Variants in NEO1 observed in about 807,000 individuals in gnomAD.
The protein encoded by NEO1 is neogenin 1.
NEO1 carries 63 observed loss-of-function variants against 159.7 expected under a neutral mutation model. The ratio of observed to expected loss-of-function variants is 0.39; its 90% CI spans 0.32 to 0.49. The LOEUF (loss-of-function observed/expected upper bound fraction) is 0.49. NEO1 is among the 20% of genes least tolerant of loss of function. The pLI, the probability that NEO1 is intolerant of heterozygous loss-of-function variation, is 0.85. For synonymous variants in NEO1, 633 were observed against 662.0 expected (o/e 0.96, Z 0.67); for missense variants, 1,615 against 1,831.0 (o/e 0.88, Z 2.15).
Position 73,052,548 on chromosome 15 carries a change from T to C in NEO1, c.-128T>C, listed in dbSNP as rs902106680. ...CTGCGCGGGCCGGGCCGGGCCGGGC[T>C]GGGCTGGAGCAGCGGCGGCCGCGGG... On this transcript the variant is annotated 5_prime_UTR_variant, in exon 1 of 29. Coordinates refer to ENST00000261908, the MANE Select transcript of NEO1 (RefSeq NM_002499.4). The C allele has an allele frequency of 4.6e-5, 19 of 417,050 alleles. No individual in the cohort carries two copies. The highest frequency in any genetic ancestry group is 1.1e-4 in the Admixed American group (2 of 18,094). 25.8% of individuals were successfully genotyped at this position (417,050 alleles called of 1,614,324 possible).
intron 13 of NEO1, among the ~76,000 whole-genome samples, chr15:73,255,119 TAAA>T (rs1447765469): frequency 6.6e-6 from 1 of 152,190 alleles, no homozygotes; most frequent in East Asian, 1.9e-4. Context: ...TTTGTAATCT[TAAA>T]AATGATTAAA....
At chr15:73,119,838 C>T (rs2071529473) in intron 2 of NEO1, among the ~76,000 whole-genome samples, 1 of 152,098 alleles carries the variant, frequency 6.6e-6, no homozygotes, top group Non-Finnish European at 1.5e-5. Flanking sequence ...TTTTTTGACT[C>T]TTTAAAAATA....
chr15:73,297,968 T>G (rs1242080913), intron 26 of NEO1, among the ~76,000 whole-genome samples: 1 of 152,252 alleles, frequency 6.6e-6, no homozygotes, highest in Non-Finnish European at 1.5e-5. Context: ...TTAGCCATGG[T>G]TGTCTATGAA....
At chr15:73,130,173 C>A (rs769754329) in intron 4 of NEO1, among the ~76,000 whole-genome samples, 5 of 152,052 alleles carry the variant, frequency 3.3e-5, no homozygotes, top group Non-Finnish European at 7.4e-5. Context: ...GGGGTTTCAC[C>A]ATGTTGGCCA....
intron 7 of NEO1, among the ~76,000 whole-genome samples, chr15:73,199,019 G>T (rs1035743429): frequency 6.8e-6 from 1 of 146,656 alleles, no homozygotes; most frequent in Non-Finnish European, 1.5e-5. Flanking sequence ...TTCTTTTTCT[G>T]TTCCAGGATC....
At chr15:73,222,097 T>TAA (rs2038320746) in intron 7 of NEO1, 1 of 117,330 alleles carries the variant, frequency 8.5e-6, no homozygotes, top group African/African-American at 3.1e-5. Flanking sequence ...GGTAATTTTT[T>TAA]TTTTTTTTTT....
At chr15:73,062,499 C>T (rs4776623) in intron 1 of NEO1, among the ~76,000 whole-genome samples, 106,702 of 152,064 alleles carry the variant, frequency 0.7, 38,440 homozygotes, top group African/African-American at 0.87. Context: ...GGGTTAGTTA[C>T]CTGACTCCTG....
At chr15:73,301,487 G>A in intron 28 of NEO1, 30 bp downstream of exon 28, 1 of 1,613,836 alleles carries the variant, frequency 6.2e-7, no homozygotes, top group Non-Finnish European at 8.5e-7. Flanking sequence ...AGTCCAGCCA[G>A]ATTGCCTGGG....
At chr15:73,129,465 A>G (rs956051131) in intron 4 of NEO1, among the ~76,000 whole-genome samples, 1 of 152,240 alleles carries the variant, frequency 6.6e-6, no homozygotes, top group African/African-American at 2.4e-5. Flanking sequence ...CTTCTTTGAA[A>G]GTGAACTTAA....
intron 8 of NEO1, among the ~76,000 whole-genome samples, chr15:73,239,546 C>T (rs374091116): frequency 2.0e-5 from 3 of 152,182 alleles, no homozygotes; most frequent in African/African-American, 7.2e-5. Context: ...TAAGATTATA[C>T]CACTGTCTTT....
intron 7 of NEO1, among the ~76,000 whole-genome samples, chr15:73,184,280 C>G (rs972305224): frequency 3.9e-5 from 6 of 152,112 alleles, no homozygotes; most frequent in Non-Finnish European, 8.8e-5. Context: ...CTCAGCCTCC[C>G]GAGTAGCTGG....
At chr15:73,253,271 A>G in intron 11 of NEO1, 129 bp from the exon 12 acceptor site, 1 of 475,126 alleles carries the variant, frequency 2.1e-6, no homozygotes, top group African/African-American at 1.9e-5. Context: ...ATTGGCAGCT[A>G]GTTTAGATCT....
intron 1 of NEO1, among the ~76,000 whole-genome samples, chr15:73,113,166 T>C (rs2071098573): frequency 7.0e-6 from 1 of 142,780 alleles, no homozygotes; most frequent in African/African-American, 2.5e-5. Context: ...AGAATTACTT[T>C]GGCTCTTACT....
intron 1 of NEO1, among the ~76,000 whole-genome samples, chr15:73,075,441 C>T (rs765711397): frequency 2.0e-5 from 3 of 152,116 alleles, no homozygotes; most frequent in Non-Finnish European, 4.4e-5. Context: ...GATTAAATGC[C>T]AGATGAGTGG....
intron 14 of NEO1, chr15:73,259,139 C>A: frequency 3.5e-6 from 1 of 289,254 alleles, no homozygotes; most frequent in Admixed American, 4.5e-5. Flanking sequence ...TTAATCAAGG[C>A]CATTAAGTAG....
chr15:73,283,584 A>C (rs1046052093), intron 23 of NEO1, among the ~76,000 whole-genome samples: 1 of 152,336 alleles, frequency 6.6e-6, no homozygotes, highest in Admixed American at 6.5e-5. Flanking sequence ...GCCAGTGTCT[A>C]GTATTAGCTA....
At chr15:73,139,697 A>C (rs1368987720) in intron 5 of NEO1, among the ~76,000 whole-genome samples, 1 of 152,236 alleles carries the variant, frequency 6.6e-6, no homozygotes, top group Admixed American at 6.5e-5. Context: ...ATAGTTGAAA[A>C]ATATCAGAAG....
chr15:73,090,841 G>A (rs1294768531), intron 1 of NEO1, among the ~76,000 whole-genome samples: 1 of 151,998 alleles, frequency 6.6e-6, no homozygotes, highest in South Asian at 2.1e-4. Context: ...ACACCCTATA[G>A]CATATTTTTT....
chr15:73,198,071 A>G (rs2152040871), intron 7 of NEO1, among the ~76,000 whole-genome samples: 1 of 152,308 alleles, frequency 6.6e-6, no homozygotes, highest in Non-Finnish European at 1.5e-5. Context: ...TATCAACTGT[A>G]GACCACTTTA....
Sources: gnomAD v4.1 joint callset for allele counts (sites outside exome capture counted in the v4.1 genomes callset) on GRCh38, gnomAD v4.1.1 for gene constraint, MANE v1.5 for transcripts, NCBI Gene and HGNC (gene_info 2026-07-23, HGNC 2026-07-21) for gene names.